ASB3: variants seen among roughly 807,000 people sequenced by gnomAD.
The protein encoded by ASB3 is ankyrin repeat and SOCS box protein 3.
ASB3 carries 41 observed loss-of-function variants against 54.5 expected under a neutral mutation model. That is an observed-to-expected ratio of 0.75 (90% confidence interval 0.59 to 0.98). The LOEUF (loss-of-function observed/expected upper bound fraction) is 0.98. Ranked by LOEUF, ASB3 falls within the 50% of genes least tolerant of loss-of-function variation. The probability of loss-of-function intolerance (pLI) is 0.00; values close to 1 mark genes in which losing one functional copy is unlikely to be tolerated. For missense variants in ASB3, 733 were observed against 620.0 expected, an observed-to-expected ratio of 1.18 and a Z score of -1.94; for synonymous variants, 266 against 221.2, an observed-to-expected ratio of 1.20 and a Z score of -1.80.
chr2:53,690,985 C>T (rs1329067155), intron 9 of ASB3, among the ~76,000 whole-genome samples: 2 of 152,100 alleles, frequency 1.3e-5, no homozygotes, highest in Non-Finnish European at 2.9e-5. Context: ...TTACTTAGAC[C>T]TGACCAGGAG....
intron 6 of ASB3, among the ~76,000 whole-genome samples, 192 bp downstream of exon 6, chr2:53,716,374 T>C (rs1025348589): frequency 2.0e-5 from 3 of 151,382 alleles, no homozygotes; most frequent in African/African-American, 7.3e-5. Flanking sequence ...TGCCTCACAA[T>C]ATGAAAGTGC....
intron 3 of ASB3, among the ~76,000 whole-genome samples, chr2:53,736,374 T>C (rs934999140): frequency 6.6e-6 from 1 of 152,156 alleles, no homozygotes; most frequent in African/African-American, 2.4e-5. Context: ...GGAACTATCA[T>C]ATCCAGGTGG....
chr2:53,770,006 A>C (rs1259818860), intron 1 of ASB3, among the ~76,000 whole-genome samples: 1 of 152,208 alleles, frequency 6.6e-6, no homozygotes, highest in Non-Finnish European at 1.5e-5. Context: ...AAGAATCAAG[A>C]TTTCATCTTC....
Position 53,670,354 on chromosome 2 carries a change from C to A in ASB3, c.*149G>T. ...CTAGTTGTAAACATAAACATTCTCA[C>A]TGAACTACTGGCCCCCCAAAACCTA... On this transcript the variant is annotated 3_prime_UTR_variant, in exon 10 of 10. Transcript: ENST00000263634. The A allele has an allele frequency of 1.4e-5, 5 of 367,718 alleles. No individual in the cohort carries two copies. The highest frequency in any genetic ancestry group is 8.0e-5 in the East Asian group (1 of 12,510). 22.8% of individuals were successfully genotyped at this position (367,718 alleles called of 1,614,324 possible). A position where few individuals can be genotyped will look rare whatever the true frequency, so the allele number is the denominator to read the frequency against.
chr2:53,733,320 T>C (rs1671423521), intron 3 of ASB3, among the ~76,000 whole-genome samples: 2 of 152,220 alleles, frequency 1.3e-5, no homozygotes, highest in South Asian at 2.1e-4. Flanking sequence ...ACATTTTATA[T>C]TATATTCTGT....
chr2:53,781,997 G>T (rs960866397), intron 1 of ASB3, among the ~76,000 whole-genome samples: 1 of 152,004 alleles, frequency 6.6e-6, no homozygotes, highest in Admixed American at 6.6e-5. Flanking sequence ...AACACTCTGG[G>T]AAACCAAGAA....
At chr2:53,710,107 C>G (rs1295952559) in intron 7 of ASB3, among the ~76,000 whole-genome samples, 1 of 152,168 alleles carries the variant, frequency 6.6e-6, no homozygotes, top group African/African-American at 2.4e-5. Flanking sequence ...ATAAGAGAAA[C>G]CTCCAAGCCT....
At chr2:53,778,802 G>A (rs1377721836) in intron 1 of ASB3, among the ~76,000 whole-genome samples, 3 of 152,152 alleles carry the variant, frequency 2.0e-5, no homozygotes, top group Non-Finnish European at 4.4e-5. Context: ...GGACCCTTAG[G>A]TTGATTCCGT....
intron 3 of ASB3, among the ~76,000 whole-genome samples, chr2:53,739,822 T>C (rs1178704861): frequency 2.0e-5 from 3 of 152,092 alleles, no homozygotes; most frequent in African/African-American, 7.2e-5. Flanking sequence ...ATTACAGGCA[T>C]GCACCACCCA....
At chr2:53,674,604 C>G (rs1667983471) in intron 9 of ASB3, among the ~76,000 whole-genome samples, 1 of 152,144 alleles carries the variant, frequency 6.6e-6, no homozygotes, top group African/African-American at 2.4e-5. Flanking sequence ...TCATCTTTAG[C>G]CTTCCCTCAG....
At chr2:53,717,312 T>G (rs932421082) in intron 5 of ASB3, among the ~76,000 whole-genome samples, 1 of 152,164 alleles carries the variant, frequency 6.6e-6, no homozygotes, top group Non-Finnish European at 1.5e-5. Flanking sequence ...CAGGCTAAGA[T>G]TTATGAAAAA....
At chr2:53,733,915 C>T (rs11897746) in intron 3 of ASB3, among the ~76,000 whole-genome samples, 2 of 152,186 alleles carry the variant, frequency 1.3e-5, no homozygotes, top group African/African-American at 4.8e-5. Flanking sequence ...TATAGATTAA[C>T]TAAAAGTATT....
chr2:53,727,923 G>C (rs1222412230), intron 5 of ASB3, among the ~76,000 whole-genome samples: 1 of 151,780 alleles, frequency 6.6e-6, no homozygotes, highest in Non-Finnish European at 1.5e-5. Context: ...ATGGGGTTTC[G>C]CCATGTTGGC....
At chr2:53,711,420 G>A (rs1056299217) in intron 7 of ASB3, among the ~76,000 whole-genome samples, 1 of 152,176 alleles carries the variant, frequency 6.6e-6, no homozygotes, top group Non-Finnish European at 1.5e-5. Context: ...GTTACTGACT[G>A]ATATTAGCTG....
intron 7 of ASB3, among the ~76,000 whole-genome samples, chr2:53,703,262 A>G (rs927159709): frequency 4.6e-5 from 7 of 152,208 alleles, no homozygotes; most frequent in African/African-American, 9.6e-5. Flanking sequence ...TCATATCAAT[A>G]TAGCTGCTAA....
intron 1 of ASB3, among the ~76,000 whole-genome samples, chr2:53,777,981 T>C (rs1359544056): frequency 6.6e-6 from 1 of 151,918 alleles, no homozygotes; most frequent in African/African-American, 2.4e-5. Flanking sequence ...ACCCCGTCTC[T>C]ACCAAAAATA....
intron 1 of ASB3, chr2:53,767,700 A>G: frequency 1.5e-6 from 1 of 666,424 alleles, no homozygotes; most frequent in Non-Finnish European, 2.5e-6. Context: ...AAGGAAATAA[A>G]ATAAAGCTGA....
intron 7 of ASB3, among the ~76,000 whole-genome samples, chr2:53,702,195 G>A (rs915701453): frequency 6.6e-6 from 1 of 152,092 alleles, no homozygotes; most frequent in Non-Finnish European, 1.5e-5. Context: ...TTATAAAACT[G>A]CACAGTGCTA....
intron 7 of ASB3, among the ~76,000 whole-genome samples, chr2:53,713,147 C>T (rs1468841174): frequency 6.6e-6 from 1 of 152,186 alleles, no homozygotes; most frequent in South Asian, 2.1e-4. Context: ...CGAGACCAGG[C>T]TGGTGAAACC....
Sources: gnomAD v4.1 joint callset for allele counts (sites outside exome capture counted in the v4.1 genomes callset) on GRCh38, gnomAD v4.1.1 for gene constraint, MANE v1.5 for transcripts, NCBI Gene and HGNC (gene_info 2026-07-23, HGNC 2026-07-21) for gene names.